Variants in SMOC2 observed in about 807,000 individuals in gnomAD.
SMOC2 encodes the protein SPARC related modular calcium binding 2, also known as SPARC-related modular calcium-binding protein 2.
SMOC2 carries 39 observed loss-of-function variants against 61.4 expected under a neutral mutation model. The observed-to-expected ratio is 0.64, with a 90% CI of 0.49 to 0.83. SMOC2 has a LOEUF of 0.83. Among genes scored for constraint, SMOC2 ranks in the 40% least tolerant of loss-of-function variants. SMOC2 has a pLI of 0.00. For synonymous variants in SMOC2, 247 were observed against 239.9 expected (o/e 1.03, Z -0.27); for missense variants, 556 against 592.9 (o/e 0.94, Z 0.65).
At chr6:168,597,347 C>G (rs2115182793) in intron 7 of SMOC2, among the ~76,000 whole-genome samples, 1 of 152,322 alleles carries the variant, frequency 6.6e-6, no homozygotes, top group South Asian at 2.1e-4. Flanking sequence ...TTAATACCAT[C>G]ACAATTATTT....
intron 1 of SMOC2, among the ~76,000 whole-genome samples, chr6:168,477,855 C>T (rs1782124456): frequency 6.6e-6 from 1 of 152,200 alleles, no homozygotes; most frequent in Non-Finnish European, 1.5e-5. Flanking sequence ...TTCTGCAGCA[C>T]TGCGTATTCT....
intron 1 of SMOC2, among the ~76,000 whole-genome samples, chr6:168,467,941 A>T (rs1333455800): frequency 6.6e-6 from 1 of 152,244 alleles, no homozygotes; most frequent in Non-Finnish European, 1.5e-5. Context: ...TACATATTGT[A>T]TAGTTTTGTA....
At chr6:168,643,602 G>A (rs1410094037) in intron 9 of SMOC2, among the ~76,000 whole-genome samples, 3 of 152,226 alleles carry the variant, frequency 2.0e-5, no homozygotes, top group African/African-American at 7.2e-5. Flanking sequence ...CAGGCGTGGT[G>A]GTGGGCAGGG....
intron 8 of SMOC2, among the ~76,000 whole-genome samples, chr6:168,600,883 G>GT (rs1785535430): frequency 6.6e-6 from 1 of 152,196 alleles, no homozygotes; most frequent in African/African-American, 2.4e-5. Context: ...CAACGTGAGG[G>GT]TTTTCACAGT....
At chr6:168,645,104 G>A (rs1222983463) in intron 9 of SMOC2, among the ~76,000 whole-genome samples, 7 of 152,182 alleles carry the variant, frequency 4.6e-5, no homozygotes, top group Admixed American at 1.3e-4. Flanking sequence ...TTTTGTTAGT[G>A]TCAAGACAAA....
chr6:168,514,862 T>C (rs766715077), intron 2 of SMOC2, among the ~76,000 whole-genome samples: 3 of 152,130 alleles, frequency 2.0e-5, no homozygotes, highest in Non-Finnish European at 2.9e-5. Flanking sequence ...AGGGATTTCT[T>C]AGACAAAGGA....
Position 168,453,362 on chromosome 6 carries a change from T to C in SMOC2, c.84+11908T>C, listed in dbSNP as rs1388509854. ...CGGGTCTCCTCCTCACTCTTCTCAG[T>C]CTACCCTGGAGTTCAACAAAAAGGA... On this transcript the variant is annotated intron_variant, in intron 1 of 12. Transcript: ENST00000356284. This position sits in a 1 kb window ranked among gnomAD's most constrained non-coding sequence, Gnocchi z 4.4. 6.6e-6 allele frequency among the ~76,000 whole-genome samples: 1 copy of C among 152,150 alleles called. No individual in the cohort carries two copies. Among genetic ancestry groups the C allele is most frequent in the African/African-American group, 2.4e-5 (1 of 41,426 alleles).
chr6:168,573,410 A>G (rs536863977), intron 7 of SMOC2, among the ~76,000 whole-genome samples: 1 of 151,054 alleles, frequency 6.6e-6, no homozygotes, highest in South Asian at 2.1e-4. Flanking sequence ...CGCGATGTTC[A>G]TTTCCTGCCC....
At chr6:168,524,506 G>A (rs1783408777) in intron 2 of SMOC2, among the ~76,000 whole-genome samples, 1 of 152,176 alleles carries the variant, frequency 6.6e-6, no homozygotes, top group South Asian at 2.1e-4. Flanking sequence ...ACAGGAGTTT[G>A]GAAAACTTAG....
intron 2 of SMOC2, among the ~76,000 whole-genome samples, chr6:168,513,855 G>C (rs2248676): frequency 0.9 from 136,329 of 152,264 alleles, 61,961 homozygotes; most frequent in East Asian, 1. Flanking sequence ...CAGGTGGGAA[G>C]TGACTGGCCT....
At chr6:168,637,014 T>G (rs937766285) in intron 9 of SMOC2, among the ~76,000 whole-genome samples, 2 of 148,636 alleles carry the variant, frequency 1.3e-5, no homozygotes, top group Non-Finnish European at 3.0e-5. Flanking sequence ...TCATTCCAAG[T>G]CCTCTCTGTG....
Position 168,548,795 on chromosome 6 carries a change from A to G in SMOC2, c.563-334A>G, listed in dbSNP as rs1484829238. On this transcript the variant is annotated intron_variant, in intron 6 of 12. Coordinates refer to ENST00000356284, the MANE Select transcript of SMOC2 (RefSeq NM_001166412.2). The stretch of plus-strand genomic sequence containing the variant: ...CAACTGAGTGAAAACGTTGTATGTT[A>G]TGTGAATAGCCATTTTAACTACACA... Among the ~76,000 whole-genome samples, 6 of 152,358 alleles carry G rather than the reference A, an allele frequency of 3.9e-5. 1 individual carries two copies. Among genetic ancestry groups the G allele is most frequent in the African/African-American group, 1.4e-4 (6 of 41,582 alleles).
Position 168,535,112 on chromosome 6 carries a change from A to G in SMOC2, c.463+7385A>G, listed in dbSNP as rs1184269222. Among the ~76,000 whole-genome samples the G allele has an allele frequency of 6.6e-6, 1 of 151,996 alleles. No individual in the cohort carries two copies. Among genetic ancestry groups the G allele is most frequent in the Non-Finnish European group, 1.5e-5 (1 of 68,008 alleles). The stretch of plus-strand genomic sequence containing the variant: ...CTGCCTCCGGAGTAGCTGGGACTAC[A>G]GGCACCCGCCACCACGCCCAGCTAA... On this transcript the variant is annotated intron_variant, in intron 4 of 12. Coordinates refer to ENST00000356284, the MANE Select transcript of SMOC2 (RefSeq NM_001166412.2). This position sits in a 1 kb window ranked among gnomAD's most constrained non-coding sequence, Gnocchi z 4.6.
intron 2 of SMOC2, among the ~76,000 whole-genome samples, chr6:168,510,407 C>T (rs1470011835): frequency 1.3e-5 from 2 of 152,038 alleles, no homozygotes; most frequent in Non-Finnish European, 1.5e-5. Flanking sequence ...TTCTTTTTAG[C>T]AAGTGGGATG....
chr6:168,490,683 C>G (rs182066160), intron 1 of SMOC2, among the ~76,000 whole-genome samples: 254 of 152,308 alleles, frequency 1.7e-3, no homozygotes, highest in African/African-American at 5.9e-3. Context: ...TTAGAGACAG[C>G]AGGTCAGTGC....
chr6:168,464,712 G>A (rs539291054), intron 1 of SMOC2, among the ~76,000 whole-genome samples: 21 of 152,306 alleles, frequency 1.4e-4, no homozygotes, highest in African/African-American at 4.3e-4. Context: ...ATCGTTGAAT[G>A]TGTAAATAGT....
chr6:168,650,586 C>T, intron 9 of SMOC2, 95 bp from the exon 10 acceptor site: 1 of 1,180,500 alleles, frequency 8.5e-7, no homozygotes. Context: ...CCAAAATACT[C>T]ATTTCCAAAC....
chr6:168,471,276 A>T (rs1781962639), intron 1 of SMOC2, among the ~76,000 whole-genome samples: 1 of 152,162 alleles, frequency 6.6e-6, no homozygotes, highest in Non-Finnish European at 1.5e-5. Context: ...TGCTCCGAGA[A>T]TTCTATCAAT....
chr6:168,574,675 C>A (rs1350760915), intron 7 of SMOC2, among the ~76,000 whole-genome samples: 2 of 151,904 alleles, frequency 1.3e-5, no homozygotes, highest in Non-Finnish European at 2.9e-5. Flanking sequence ...GTAGGGGGTC[C>A]GGTGGGTGAC....
Sources: allele counts gnomAD v4.1 joint callset (sites outside exome capture counted in the v4.1 genomes callset), GRCh38; gene constraint gnomAD v4.1.1; non-coding constraint Gnocchi (gnomAD v3.1); transcripts MANE v1.5; gene names NCBI Gene and HGNC (gene_info 2026-07-23, HGNC 2026-07-21).